Variants in CNTN4 observed in about 807,000 individuals in gnomAD.
CNTN4 encodes the protein contactin-4.
In CNTN4, 77 loss-of-function variants were observed where a neutral mutation model predicts 122.5. The ratio of observed to expected loss-of-function variants is 0.63; its 90% confidence interval spans 0.52 to 0.76. CNTN4 has a LOEUF of 0.76. Ranked by LOEUF, CNTN4 falls within the 30% of genes least tolerant of loss-of-function variation. The probability of loss-of-function intolerance (pLI) is 0.00; values close to 1 mark genes in which losing one functional copy is unlikely to be tolerated. For synonymous variants in CNTN4, 512 were observed against 447.0 expected, an observed-to-expected ratio of 1.15 and a Z score of -1.83; for missense variants, 1,256 against 1,259.1, an observed-to-expected ratio of 1.00 and a Z score of 0.04.
intron 2 of CNTN4, among the ~76,000 whole-genome samples, chr3:2,329,436 T>G (rs2043624931): frequency 6.6e-6 from 1 of 152,218 alleles, no homozygotes; most frequent in African/African-American, 2.4e-5. Context: ...GCATATAGGA[T>G]AAACGCTCAA....
chr3:2,579,250 A>G (rs1385561908), intron 4 of CNTN4, among the ~76,000 whole-genome samples: 1 of 152,334 alleles, frequency 6.6e-6, no homozygotes, highest in East Asian at 1.9e-4. Flanking sequence ...GAATGAAACA[A>G]TTTAGGAAGA....
At chr3:2,930,129 G>A (rs1278982530) in intron 13 of CNTN4, among the ~76,000 whole-genome samples, 1 of 152,068 alleles carries the variant, frequency 6.6e-6, no homozygotes, top group Non-Finnish European at 1.5e-5. Context: ...TTCTATACTG[G>A]GAGGCTACCC....
chr3:2,581,505 T>G (rs1480314831), intron 4 of CNTN4, among the ~76,000 whole-genome samples: 1 of 152,186 alleles, frequency 6.6e-6, no homozygotes, highest in Non-Finnish European at 1.5e-5. Context: ...GGACTCTAGA[T>G]GTATTAGTCA....
At chr3:2,225,043 G>A (rs559686825) in intron 2 of CNTN4, among the ~76,000 whole-genome samples, 1 of 151,744 alleles carries the variant, frequency 6.6e-6, no homozygotes, top group Admixed American at 6.6e-5. Context: ...CCAGCTACTC[G>A]GGAGGCTGAG....
intron 14 of CNTN4, among the ~76,000 whole-genome samples, chr3:2,996,843 C>A (rs17024461): frequency 0.055 from 8,415 of 152,218 alleles, 292 homozygotes; most frequent in African/African-American, 0.1. Flanking sequence ...ATTCTTACTC[C>A]AGAGGAAGTT....
At chr3:2,322,890 A>T (rs2043319046) in intron 2 of CNTN4, among the ~76,000 whole-genome samples, 1 of 152,096 alleles carries the variant, frequency 6.6e-6, no homozygotes, top group Non-Finnish European at 1.5e-5. Context: ...ACATTCTAAG[A>T]TCTTTAAAAT....
At chr3:2,661,564 G>A (rs1241737023) in intron 4 of CNTN4, among the ~76,000 whole-genome samples, 1 of 151,516 alleles carries the variant, frequency 6.6e-6, no homozygotes, top group African/African-American at 2.4e-5. Context: ...TGTAATCCCA[G>A]CACTTTGGAA....
At position 2,616,080 on chromosome 3, in the gene CNTN4, A is replaced by T. The variant is rs543121756; in HGVS notation, c.55+44522A>T. 6.4e-4 allele frequency among the ~76,000 whole-genome samples: 96 copies of T among 149,878 alleles called. 1 individual carries two copies. The highest frequency in any genetic ancestry group is 2.3e-3 in the African/African-American group (94 of 40,554). On this transcript the variant is annotated intron_variant, in intron 4 of 24. Transcript: ENST00000418658. The stretch of plus-strand genomic sequence containing the variant: ...ATGTGCAGAATGTGCAGTTTGTTAC[A>T]TAGGTATATGTGTGCCATGGTGCCT...
At chr3:2,646,080 G>A (rs1425259525) in intron 4 of CNTN4, among the ~76,000 whole-genome samples, 1 of 152,102 alleles carries the variant, frequency 6.6e-6, no homozygotes, top group Non-Finnish European at 1.5e-5. Flanking sequence ...AACCGATTTT[G>A]TCTATCTAAG....
At chr3:2,569,970 T>A (rs2079347112) in intron 3 of CNTN4, among the ~76,000 whole-genome samples, 1 of 152,030 alleles carries the variant, frequency 6.6e-6, no homozygotes. Flanking sequence ...CTTGTTCCTC[T>A]TGATGGGCCC....
rs561711910 is a variant in CNTN4 at position 2,915,112 on chromosome 3, C to A, written c.1208-10517C>A. ...TTGTTTTTTCACTCTGTCGCCCAGGCTGGAGTGCAGTGTTGTGATCTTGGC... is the reference window on the plus strand; with the variant it reads ...TTGTTTTTTCACTCTGTCGCCCAGGATGGAGTGCAGTGTTGTGATCTTGGC... On this transcript the variant is annotated intron_variant, in intron 12 of 24. Coordinates refer to ENST00000418658, the MANE Select transcript of CNTN4 (RefSeq NM_175607.3). Among the ~76,000 whole-genome samples the A allele has an allele frequency of 3.9e-5, 6 of 152,324 alleles. No individual in the cohort carries two copies. In the South Asian group the frequency reaches 1.2e-3, roughly 32 times the overall value.
chr3:2,873,591 C>T (rs2093810572), intron 8 of CNTN4, among the ~76,000 whole-genome samples: 1 of 152,230 alleles, frequency 6.6e-6, no homozygotes, highest in East Asian at 1.9e-4. Context: ...CATGCATCCT[C>T]CATTATGGTC....
intron 4 of CNTN4, among the ~76,000 whole-genome samples, chr3:2,683,659 T>C (rs554240309): frequency 1.9e-4 from 29 of 152,040 alleles, no homozygotes; most frequent in Non-Finnish European, 3.1e-4. Context: ...AAAAAAATTG[T>C]GGAACAGAAC....
intron 2 of CNTN4, among the ~76,000 whole-genome samples, chr3:2,234,833 C>A (rs1190136751): frequency 6.6e-6 from 1 of 152,120 alleles, no homozygotes; most frequent in African/African-American, 2.4e-5. Context: ...GCCAGAGGAA[C>A]ATGTGATTGT....
intron 2 of CNTN4, among the ~76,000 whole-genome samples, chr3:2,200,188 A>T (rs1384820713): frequency 6.6e-6 from 1 of 152,170 alleles, no homozygotes. Flanking sequence ...TCATTGTTCT[A>T]TGTGGTGGTA....
At chr3:2,456,168 A>G (rs892131526) in intron 3 of CNTN4, among the ~76,000 whole-genome samples, 6 of 152,036 alleles carry the variant, frequency 3.9e-5, no homozygotes, top group Non-Finnish European at 7.4e-5. Flanking sequence ...TCTGAATCTC[A>G]TGATCTTTTA....
intron 7 of CNTN4, among the ~76,000 whole-genome samples, chr3:2,837,980 C>T (rs1489724365): frequency 3.3e-5 from 5 of 152,178 alleles, no homozygotes; most frequent in Admixed American, 2.0e-4. Flanking sequence ...CATGTACTAG[C>T]ATTCCAGATA....
chr3:2,240,003 A>T (rs2039868310), intron 2 of CNTN4, among the ~76,000 whole-genome samples: 1 of 152,194 alleles, frequency 6.6e-6, no homozygotes, highest in South Asian at 2.1e-4. Flanking sequence ...TTGCAGACTG[A>T]AGAGCATTAA....
At chr3:2,747,012 A>G (rs2089805541) in intron 6 of CNTN4, among the ~76,000 whole-genome samples, 1 of 152,130 alleles carries the variant, frequency 6.6e-6, no homozygotes, top group Non-Finnish European at 1.5e-5. Context: ...AGTACGGGAA[A>G]ATCTCATTAT....
Sources: gnomAD v4.1 joint callset for allele counts (sites outside exome capture counted in the v4.1 genomes callset) on GRCh38, gnomAD v4.1.1 for gene constraint, MANE v1.5 for transcripts, NCBI Gene and HGNC (gene_info 2026-07-23, HGNC 2026-07-21) for gene names.